The following ROBO2 variants were observed in gnomAD, a reference collection of about 807,000 sequenced individuals.
ROBO2 encodes roundabout guidance receptor 2, also known as roundabout homolog 2.
ROBO2 carries 53 observed loss-of-function variants against 160.8 expected under a neutral mutation model. The observed-to-expected ratio is 0.33, with a 90% CI of 0.26 to 0.41. The LOEUF (loss-of-function observed/expected upper bound fraction) is 0.41, where lower values mean the gene tolerates loss of function less well. ROBO2 is among the 10% of genes least tolerant of loss of function. ROBO2 has a pLI of 1.00. For synonymous variants in ROBO2, 664 were observed against 611.7 expected, an observed-to-expected ratio of 1.09 and a Z score of -1.26; for missense variants, 1,577 against 1,722.4, an observed-to-expected ratio of 0.92 and a Z score of 1.49.
chr3:77,187,321 A>G (rs2081372341), intron 2 of ROBO2, among the ~76,000 whole-genome samples: 2 of 151,958 alleles, frequency 1.3e-5, no homozygotes, highest in Admixed American at 6.6e-5. Flanking sequence ...TATACCTAAG[A>G]TTTGTTTTTG....
chr3:76,492,148 T>G (rs2107534108), intron 2 of ROBO2, among the ~76,000 whole-genome samples: 1 of 152,118 alleles, frequency 6.6e-6, no homozygotes, highest in Admixed American at 6.5e-5. Flanking sequence ...CCCCCAAAAC[T>G]TAATCTAGTG....
intron 2 of ROBO2, among the ~76,000 whole-genome samples, chr3:76,301,488 T>A (rs1209237078): frequency 6.6e-6 from 1 of 152,100 alleles, no homozygotes; most frequent in African/African-American, 2.4e-5. Flanking sequence ...TTATACTAAG[T>A]GATCTTTTAG....
chr3:77,113,841 A>G (rs1049298699), intron 2 of ROBO2, among the ~76,000 whole-genome samples: 2 of 152,276 alleles, frequency 1.3e-5, no homozygotes, highest in Non-Finnish European at 2.9e-5. Flanking sequence ...GGATTAAATC[A>G]GAAAATAATA....
chr3:76,807,744 AT>A (rs2064844813), intron 2 of ROBO2, among the ~76,000 whole-genome samples: 1 of 152,122 alleles, frequency 6.6e-6, no homozygotes, highest in Non-Finnish European at 1.5e-5. Flanking sequence ...TTAGAACAAT[AT>A]AGTGAAAGGG....
At chr3:76,453,386 C>T (rs578087645) in intron 2 of ROBO2, among the ~76,000 whole-genome samples, 51 of 152,200 alleles carry the variant, frequency 3.4e-4, no homozygotes, top group East Asian at 7.7e-4. Context: ...GTTTCAACTT[C>T]CTACATATGG....
chr3:76,635,477 A>G (rs1301711777), intron 2 of ROBO2, among the ~76,000 whole-genome samples: 1 of 152,200 alleles, frequency 6.6e-6, no homozygotes, highest in Non-Finnish European at 1.5e-5. Flanking sequence ...TGCCGGAAGA[A>G]CTGAATGACA....
Position 76,630,241 on chromosome 3 carries a change from T to G in ROBO2, c.110-467773T>G, listed in dbSNP as rs146420467. On this transcript the variant is annotated intron_variant, in intron 2 of 26. Coordinates refer to the ROBO2 transcript ENST00000487694. ...GCATGTTAGGTATCTACGTCGTTCATGTCTGCATGAGTGTGGGTGTGTGTG... is the reference window on the plus strand; with the variant it reads ...GCATGTTAGGTATCTACGTCGTTCAGGTCTGCATGAGTGTGGGTGTGTGTG... Among the ~76,000 whole-genome samples, 481 of 151,482 alleles carry G rather than the reference T, an allele frequency of 3.2e-3. 8 individuals are homozygous for G. The highest frequency in any genetic ancestry group is 2.0e-3 in the Non-Finnish European group (138 of 68,032).
intron 2 of ROBO2, among the ~76,000 whole-genome samples, chr3:76,746,899 G>A (rs1021410635): frequency 2.6e-5 from 4 of 152,134 alleles, no homozygotes; most frequent in South Asian, 2.1e-4. Context: ...GAGAACATGC[G>A]GCATTTGGTT....
rs970368952 is a variant in ROBO2, at chr3:76,795,610, G to A, written c.110-302404G>A. On this transcript the variant is annotated intron_variant, in intron 2 of 26. Coordinates refer to the ROBO2 transcript ENST00000487694. ...TTTTCAGGCTCTACTTCCAACTGTA[G>A]TTCTCTTGCTATTTCCATGATATAT... Among the ~76,000 whole-genome samples, 3 of 152,042 alleles carry A rather than the reference G, an allele frequency of 2.0e-5. No homozygotes were observed. In the East Asian group the frequency reaches 5.8e-4, roughly 29 times the overall value.
intron 1 of ROBO2, among the ~76,000 whole-genome samples, chr3:75,923,033 A>G (rs1947135183): frequency 6.6e-6 from 1 of 152,168 alleles, no homozygotes; most frequent in Admixed American, 6.5e-5. Context: ...CACACACATC[A>G]CTTTCCCTAA....
At chr3:76,649,517 A>G (rs2091152885) in intron 2 of ROBO2, among the ~76,000 whole-genome samples, 1 of 152,128 alleles carries the variant, frequency 6.6e-6, no homozygotes, top group Admixed American at 6.5e-5. Flanking sequence ...TTTATAACTC[A>G]ACTTAAAACT....
chr3:76,250,041 G>A (rs1400054540), intron 2 of ROBO2, among the ~76,000 whole-genome samples: 1 of 152,042 alleles, frequency 6.6e-6, no homozygotes, highest in Non-Finnish European at 1.5e-5. Flanking sequence ...CTCTTACATT[G>A]TGGAGGGTCT....
intron 2 of ROBO2, among the ~76,000 whole-genome samples, chr3:76,475,009 A>T (rs1319816068): frequency 6.6e-6 from 1 of 152,082 alleles, no homozygotes; most frequent in Non-Finnish European, 1.5e-5. Flanking sequence ...AGCCTAAACA[A>T]GGAAAAGGCT....
intron 2 of ROBO2, among the ~76,000 whole-genome samples, chr3:76,940,399 A>C (rs1185193487): frequency 2.0e-5 from 3 of 152,220 alleles, no homozygotes; most frequent in African/African-American, 7.2e-5. Flanking sequence ...TTATTCTCAA[A>C]TATTTTTACA....
chr3:76,228,274 G>A (rs1253171976), intron 2 of ROBO2, among the ~76,000 whole-genome samples: 1 of 152,124 alleles, frequency 6.6e-6, no homozygotes, highest in Non-Finnish European at 1.5e-5. Flanking sequence ...GATTATGGCA[G>A]CAGCAATTGT....
intron 1 of ROBO2, among the ~76,000 whole-genome samples, chr3:77,065,331 T>C (rs1183069874): frequency 6.6e-6 from 1 of 152,230 alleles, no homozygotes; most frequent in Non-Finnish European, 1.5e-5. Context: ...TCCAGTTTTA[T>C]GGAAATAAAT....
chr3:76,344,419 A>C (rs1576560113), intron 2 of ROBO2, among the ~76,000 whole-genome samples: 1 of 152,174 alleles, frequency 6.6e-6, no homozygotes, highest in African/African-American at 2.4e-5. Flanking sequence ...GTGAAATTCT[A>C]CTTTTTTCAA....
chr3:76,246,141 C>G (rs575095953), intron 2 of ROBO2, among the ~76,000 whole-genome samples: 2 of 151,562 alleles, frequency 1.3e-5, no homozygotes, highest in Non-Finnish European at 2.9e-5. Context: ...TTTTTCCAAA[C>G]CAGATTATTT....
At chr3:77,428,153 A>G (rs1161892945) in intron 2 of ROBO2, among the ~76,000 whole-genome samples, 1 of 152,118 alleles carries the variant, frequency 6.6e-6, no homozygotes, top group Non-Finnish European at 1.5e-5. Context: ...TAATCTACCC[A>G]AGTATACATC....
Sources: gnomAD v4.1 joint callset for allele counts (sites outside exome capture counted in the v4.1 genomes callset) on GRCh38, gnomAD v4.1.1 for gene constraint, MANE v1.5 for transcripts, NCBI Gene and HGNC (gene_info 2026-07-23, HGNC 2026-07-21) for gene names.